Variants in LDB2 observed in about 807,000 individuals in gnomAD.
The protein encoded by LDB2 is LIM domain-binding protein 2.
A neutral mutation model predicts 44.3 loss-of-function variants in LDB2; 12 were observed. The observed-to-expected ratio is 0.27, with a 90% CI of 0.17 to 0.44. The LOEUF is 0.44. Among genes scored for constraint, LDB2 ranks in the 20% least tolerant of loss-of-function variants. The pLI, the probability that LDB2 is intolerant of heterozygous loss-of-function variation, is 1.00. For synonymous variants in LDB2, 164 were observed against 174.8 expected, an observed-to-expected ratio of 0.94 and a Z score of 0.49; for missense variants, 344 against 473.5, an observed-to-expected ratio of 0.73 and a Z score of 2.54.
At position 16,898,435 on chromosome 4, in the gene LDB2, A is replaced by C; in HGVS notation, c.51T>G (p.Phe17Leu). Reference protein sequence around the residue: ...DPFYSSPFGPFYRRHTPYMVQ... With the variant: ...DPFYSSPFGPLYRRHTPYMVQ... ...CCATGTATGGTGTATGCCTCCTATA[A>C]AATGGGCCGAAAGGAGAAGAATAGA... The change falls in exon 1 of 8, where the codon TTT (phenylalanine) becomes TTG (leucine). Residue 17 changes from phenylalanine (F) to leucine (L), a missense_variant. This residue lies in a region of LDB2 where 226 missense variants were observed against 270.1 expected (regional missense o/e 0.84). Coordinates refer to ENST00000304523, the MANE Select transcript of LDB2 (RefSeq NM_001290.5). 6.2e-7 allele frequency: 1 copy of C among 1,613,892 alleles called. No homozygotes were observed. Among genetic ancestry groups the C allele is most frequent in the South Asian group, 1.1e-5 (1 of 91,076 alleles).
At chr4:16,874,919 GCT>G (rs1188264608) in intron 1 of LDB2, among the ~76,000 whole-genome samples, 1 of 152,108 alleles carries the variant, frequency 6.6e-6, no homozygotes, top group East Asian at 1.9e-4. Context: ...TTTTTAAAAA[GCT>G]CTTTCAATTT....
intron 2 of LDB2, among the ~76,000 whole-genome samples, chr4:16,646,090 G>T (rs1319716615): frequency 6.6e-6 from 1 of 152,128 alleles, no homozygotes; most frequent in Non-Finnish European, 1.5e-5. Context: ...AAGCATTTGA[G>T]GACTGTTTAA....
rs1247269777 is a variant in LDB2, at chr4:16,674,202, T to G, written c.236-78327A>C. 3 of 1,273,556 alleles carry G rather than the reference T, an allele frequency of 2.4e-6. No individual in the cohort carries two copies. In the African/African-American group the frequency reaches 4.6e-5, roughly 19 times the overall value. The allele number at this position is 1,273,556 out of a possible 1,614,324, so 78.9% of individuals were successfully genotyped here. A position where few individuals can be genotyped will look rare whatever the true frequency, so the allele number is the denominator to read the frequency against. On this transcript the variant is annotated intron_variant, in intron 2 of 7. Coordinates refer to ENST00000304523, the MANE Select transcript of LDB2 (RefSeq NM_001290.5). ...TAGAAATAGATTAAATGAGGTACCTTTGGTCAAACAGAAAAGCAATTACAT... is the reference window on the plus strand; with the variant it reads ...TAGAAATAGATTAAATGAGGTACCTGTGGTCAAACAGAAAAGCAATTACAT...
intron 2 of LDB2, among the ~76,000 whole-genome samples, chr4:16,663,562 G>T (rs943224851): frequency 6.6e-6 from 1 of 152,166 alleles, no homozygotes; most frequent in Non-Finnish European, 1.5e-5. Flanking sequence ...TAATTTGGAT[G>T]GTTTTGTTTC....
At chr4:16,891,805 C>G (rs992297312) in intron 1 of LDB2, among the ~76,000 whole-genome samples, 3 of 152,080 alleles carry the variant, frequency 2.0e-5, no homozygotes, top group African/African-American at 7.2e-5. Flanking sequence ...GTCAATTTGT[C>G]TTAGAAAACA....
intron 1 of LDB2, among the ~76,000 whole-genome samples, chr4:16,836,884 T>C (rs1784964866): frequency 1.3e-5 from 2 of 152,212 alleles, no homozygotes; most frequent in African/African-American, 4.8e-5. Flanking sequence ...GCCCAGATGC[T>C]TTCCACTTTG....
At chr4:16,811,918 T>C (rs577441026) in intron 1 of LDB2, among the ~76,000 whole-genome samples, 1 of 152,344 alleles carries the variant, frequency 6.6e-6, no homozygotes, top group African/African-American at 2.4e-5. Context: ...AGCTCATTTA[T>C]AGGATTGTGG....
At chr4:16,638,066 A>T (rs1258581456) in intron 2 of LDB2, among the ~76,000 whole-genome samples, 2 of 152,222 alleles carry the variant, frequency 1.3e-5, no homozygotes, top group Non-Finnish European at 2.9e-5. Context: ...TAAACGAATG[A>T]AAAACATAAA....
At chr4:16,547,302 C>T (rs570117990) in intron 5 of LDB2, among the ~76,000 whole-genome samples, 70 of 152,238 alleles carry the variant, frequency 4.6e-4, no homozygotes, top group Admixed American at 7.8e-4. Flanking sequence ...TCAGAGGGAG[C>T]GCAGCCATTG....
At chr4:16,869,394 T>C (rs1461562274) in intron 1 of LDB2, among the ~76,000 whole-genome samples, 1 of 151,954 alleles carries the variant, frequency 6.6e-6, no homozygotes, top group East Asian at 1.9e-4. Context: ...ATCAGACAAC[T>C]TTCTTCAGAA....
chr4:16,655,896 C>T (rs370887369), intron 2 of LDB2, among the ~76,000 whole-genome samples: 31 of 93,304 alleles, frequency 3.3e-4, no homozygotes, highest in Admixed American at 7.9e-4. Flanking sequence ...TGCAAGAAAA[C>T]TTTTTTTTTT....
chr4:16,703,192 T>C (rs1203965562), intron 2 of LDB2, among the ~76,000 whole-genome samples: 2 of 152,170 alleles, frequency 1.3e-5, no homozygotes, highest in Admixed American at 6.5e-5. Flanking sequence ...TGAAACAGGA[T>C]GACCTGGTAA....
At chr4:16,716,613 A>C (rs552642489) in intron 2 of LDB2, among the ~76,000 whole-genome samples, 5 of 152,292 alleles carry the variant, frequency 3.3e-5, no homozygotes, top group African/African-American at 1.2e-4. Flanking sequence ...CTTTTCCTCA[A>C]ATGAAATTTT....
chr4:16,665,280 T>TG (rs1266238904), intron 2 of LDB2, among the ~76,000 whole-genome samples: 1 of 149,484 alleles, frequency 6.7e-6, no homozygotes, highest in African/African-American at 2.5e-5. Context: ...TTTTTTTTTT[T>TG]TTTGAGACAG....
At chr4:16,609,579 T>C (rs976381910) in intron 2 of LDB2, among the ~76,000 whole-genome samples, 1 of 152,204 alleles carries the variant, frequency 6.6e-6, no homozygotes, top group African/African-American at 2.4e-5. Flanking sequence ...ACATCGGCTG[T>C]GGCAGTCTGC....
intron 1 of LDB2, chr4:16,888,545 C>T (rs1405304949): frequency 2.6e-5 from 5 of 189,876 alleles, no homozygotes; most frequent in Non-Finnish European, 3.9e-5. Flanking sequence ...CGAGAACAAC[C>T]AAACTCAAGA....
intron 5 of LDB2, among the ~76,000 whole-genome samples, chr4:16,575,802 A>G (rs1359503348): frequency 6.6e-6 from 1 of 152,236 alleles, no homozygotes; most frequent in Non-Finnish European, 1.5e-5. Flanking sequence ...CAGCGGCACA[A>G]TCTCAGCTCA....
At chr4:16,668,326 G>C (rs1291482015) in intron 2 of LDB2, among the ~76,000 whole-genome samples, 1 of 152,170 alleles carries the variant, frequency 6.6e-6, no homozygotes, top group Non-Finnish European at 1.5e-5. Context: ...CCTGGTTGAG[G>C]AGCCCAGCCT....
intron 1 of LDB2, among the ~76,000 whole-genome samples, chr4:16,856,615 C>T (rs1326287283): frequency 6.6e-6 from 1 of 152,118 alleles, no homozygotes; most frequent in African/African-American, 2.4e-5. Flanking sequence ...TACAATAAAA[C>T]TTTATTTATA....
Sources: allele counts gnomAD v4.1 joint callset (sites outside exome capture counted in the v4.1 genomes callset), GRCh38; gene constraint gnomAD v4.1.1; regional missense constraint gnomAD v4.1.1; transcripts MANE v1.5; gene names NCBI Gene and HGNC (gene_info 2026-07-23, HGNC 2026-07-21).